TBC1D8: variants seen among roughly 807,000 people sequenced by gnomAD.
TBC1D8 encodes BUB2-like protein 1.
Under a neutral mutation model 118.8 loss-of-function variants are expected in TBC1D8, and 65 were observed. The observed-to-expected ratio is 0.55, with a 90% CI of 0.45 to 0.67. The LOEUF is 0.67. Among genes scored for constraint, TBC1D8 ranks in the 30% least tolerant of loss-of-function variants. The pLI, the probability that TBC1D8 is intolerant of heterozygous loss-of-function variation, is 0.00. For synonymous variants in TBC1D8, 566 were observed against 595.8 expected, an observed-to-expected ratio of 0.95 and a Z score of 0.73; for missense variants, 1,376 against 1,471.2, an observed-to-expected ratio of 0.94 and a Z score of 1.06.
chr2:101,016,624 C>T (rs1041026444), intron 17 of TBC1D8, among the ~76,000 whole-genome samples: 2 of 152,062 alleles, frequency 1.3e-5, no homozygotes, highest in African/African-American at 2.4e-5. Context: ...CACATGCACA[C>T]GTATGTTTAT....
intron 1 of TBC1D8, among the ~76,000 whole-genome samples, chr2:101,143,156 G>A (rs1030438180): frequency 5.4e-5 from 8 of 148,774 alleles, no homozygotes; most frequent in Non-Finnish European, 8.9e-5. Context: ...TCCGCCTCCC[G>A]GGTTCAAACG....
At chr2:101,082,012 A>G (rs6543016) in intron 2 of TBC1D8, among the ~76,000 whole-genome samples, 135,077 of 152,188 alleles carry the variant, frequency 0.89, 60,184 homozygotes, top group African/African-American at 0.95. Flanking sequence ...GGTGGCAGGC[A>G]CCGGTAATCC....
chr2:101,050,370 G>A (rs1328286033), intron 5 of TBC1D8, 31 bp downstream of exon 5: 2 of 1,600,842 alleles, frequency 1.2e-6, no homozygotes, highest in Admixed American at 3.4e-5. Context: ...CCCCGTGCGG[G>A]TGGGAGACAC....
At position 101,117,643 on chromosome 2, in the gene TBC1D8, G is replaced by A. The variant is rs184990199; in HGVS notation, c.128-27279C>T. On this transcript the variant is annotated intron_variant, in intron 1 of 19. Transcript: ENST00000409318. ...GGCTGGAGTGCAGTGGCGCCATCTC[G>A]GTTCACTGCAAGCTCTGCCTCCCGG... Among the ~76,000 whole-genome samples, 1,250 of 148,396 alleles carry A rather than the reference G, an allele frequency of 8.4e-3. 17 individuals are homozygous for A. Among genetic ancestry groups the A allele is most frequent in the African/African-American group, 0.029 (1,171 of 39,968 alleles).
intron 1 of TBC1D8, among the ~76,000 whole-genome samples, chr2:101,139,328 A>AC (rs1405162688): frequency 2.8e-5 from 1 of 36,132 alleles, no homozygotes; most frequent in Non-Finnish European, 5.5e-5. Flanking sequence ...AAAAACAACA[A>AC]AAAAAAAAAC....
At chr2:101,024,900 G>T (rs1488986308) in intron 15 of TBC1D8, among the ~76,000 whole-genome samples, 2 of 152,130 alleles carry the variant, frequency 1.3e-5, no homozygotes, top group African/African-American at 4.8e-5. Flanking sequence ...TCACTCAAGA[G>T]ATGAATAATT....
chr2:101,100,341 C>T (rs1676744482), intron 1 of TBC1D8, among the ~76,000 whole-genome samples: 1 of 152,046 alleles, frequency 6.6e-6, no homozygotes, highest in African/African-American at 2.4e-5. Flanking sequence ...AACTACAAAC[C>T]ACTGCTCAAG....
intron 2 of TBC1D8, among the ~76,000 whole-genome samples, chr2:101,087,822 A>C (rs112327851): frequency 0.014 from 2,206 of 152,294 alleles, 26 homozygotes; most frequent in Non-Finnish European, 0.025. Flanking sequence ...AGCAGGGAGG[A>C]GAATAAGAAT....
At chr2:101,149,964 G>A (rs1679484509) in intron 1 of TBC1D8, among the ~76,000 whole-genome samples, 1 of 152,172 alleles carries the variant, frequency 6.6e-6, no homozygotes, top group Non-Finnish European at 1.5e-5. Context: ...CTTCCATGGG[G>A]AACCCTCAGC....
chr2:101,087,369 G>T (rs563233101), intron 2 of TBC1D8, among the ~76,000 whole-genome samples: 1 of 151,882 alleles, frequency 6.6e-6, no homozygotes, highest in East Asian at 2.0e-4. Flanking sequence ...GGATGCAGTG[G>T]CTCACACCTG....
intron 17 of TBC1D8, among the ~76,000 whole-genome samples, chr2:101,012,010 A>C (rs187800245): frequency 1.6e-4 from 24 of 150,922 alleles, no homozygotes; most frequent in Non-Finnish European, 2.8e-4. Flanking sequence ...TTTCTTTTAA[A>C]AGTTGAAGAA....
intron 5 of TBC1D8, among the ~76,000 whole-genome samples, chr2:101,049,841 T>C (rs1226824694): frequency 2.0e-5 from 3 of 152,108 alleles, no homozygotes; most frequent in Non-Finnish European, 4.4e-5. Flanking sequence ...GTCTTTTTTT[T>C]TTTGAGACGG....
At chr2:101,101,545 G>A (rs1676835642) in intron 1 of TBC1D8, among the ~76,000 whole-genome samples, 1 of 152,188 alleles carries the variant, frequency 6.6e-6, no homozygotes, top group Admixed American at 6.5e-5. Context: ...TCCTATTACT[G>A]GGTATATACC....
intron 2 of TBC1D8, among the ~76,000 whole-genome samples, chr2:101,088,071 C>A (rs935472626): frequency 6.6e-6 from 1 of 152,102 alleles, no homozygotes; most frequent in Non-Finnish European, 1.5e-5. Flanking sequence ...AAGTGTAATA[C>A]TTTTGTTATA....
intron 2 of TBC1D8, among the ~76,000 whole-genome samples, chr2:101,088,924 A>T (rs761663090): frequency 1.2e-4 from 18 of 151,440 alleles, no homozygotes; most frequent in Non-Finnish European, 2.6e-4. Context: ...GCAAATACAG[A>T]ATGATCTGTC....
intron 16 of TBC1D8, 40 bp downstream of exon 16, chr2:101,022,241 A>G (rs1342240316): frequency 2.5e-6 from 4 of 1,611,898 alleles, no homozygotes; most frequent in Non-Finnish European, 1.7e-6. Flanking sequence ...ACAGACCCAC[A>G]CCCCAAAGCA....
chr2:101,050,810 G>C (rs1682025606), intron 4 of TBC1D8, among the ~76,000 whole-genome samples, 169 bp from the exon 5 acceptor site: 1 of 152,158 alleles, frequency 6.6e-6, no homozygotes, highest in South Asian at 2.1e-4. Flanking sequence ...TTGCAATACA[G>C]GTAAACTCAT....
At chr2:101,052,679 T>C (rs1200443289) in intron 4 of TBC1D8, among the ~76,000 whole-genome samples, 1 of 152,074 alleles carries the variant, frequency 6.6e-6, no homozygotes, top group Non-Finnish European at 1.5e-5. Context: ...GTTTCCACTG[T>C]GCCTGACCTA....
chr2:101,058,911 ATT>A (rs35794655), intron 3 of TBC1D8, among the ~76,000 whole-genome samples: 89 of 145,228 alleles, frequency 6.1e-4, no homozygotes, highest in African/African-American at 1.7e-3. Context: ...TTTATTTTTT[ATT>A]TTTTTTTTTT....
Sources: gnomAD v4.1 joint callset for allele counts (sites outside exome capture counted in the v4.1 genomes callset) on GRCh38, gnomAD v4.1.1 for gene constraint, MANE v1.5 for transcripts, NCBI Gene and HGNC (gene_info 2026-07-23, HGNC 2026-07-21) for gene names.